NPAS3: variants seen among roughly 807,000 people sequenced by gnomAD.
NPAS3 encodes the protein neuronal PAS domain-containing protein 3.
A neutral mutation model predicts 73.1 loss-of-function variants in NPAS3; 14 were observed. The ratio of observed to expected loss-of-function variants is 0.19; its 90% confidence interval spans 0.13 to 0.30. NPAS3 has a LOEUF of 0.30. NPAS3 is among the 10% of genes least tolerant of loss of function. The pLI is 1.00. For synonymous variants in NPAS3, 620 were observed against 541.5 expected (o/e 1.14, Z -2.01); for missense variants, 1,096 against 1,250.0 (o/e 0.88, Z 1.86).
intron 5 of NPAS3, among the ~76,000 whole-genome samples, chr14:33,643,998 A>G (rs1192199944): frequency 2.0e-5 from 3 of 152,086 alleles, no homozygotes; most frequent in Non-Finnish European, 4.4e-5. Context: ...CTTGATCTTT[A>G]TGATGTATTT....
At chr14:33,588,905 G>C (rs1384319010) in intron 5 of NPAS3, among the ~76,000 whole-genome samples, 1 of 152,158 alleles carries the variant, frequency 6.6e-6, no homozygotes. Flanking sequence ...ACAGGTGTGA[G>C]CCACTGCACC....
At chr14:33,432,417 A>G (rs1391993221) in intron 4 of NPAS3, among the ~76,000 whole-genome samples, 1 of 152,188 alleles carries the variant, frequency 6.6e-6, no homozygotes, top group African/African-American at 2.4e-5. Flanking sequence ...TCATAGGACA[A>G]GTATTATGAA....
At chr14:33,267,400 TATGAG>T (rs1295736775) in intron 3 of NPAS3, among the ~76,000 whole-genome samples, 1 of 152,154 alleles carries the variant, frequency 6.6e-6, no homozygotes, top group African/African-American at 2.4e-5. Context: ...GATCTTGACT[TATGAG>T]AGGACTGTAG....
At chr14:33,380,977 T>C (rs2046524712) in intron 4 of NPAS3, among the ~76,000 whole-genome samples, 1 of 152,174 alleles carries the variant, frequency 6.6e-6, no homozygotes, top group South Asian at 2.1e-4. Flanking sequence ...AAGGGTAGAA[T>C]TGACCTAAAG....
At chr14:33,321,677 C>T (rs1351627082) in intron 3 of NPAS3, among the ~76,000 whole-genome samples, 6 of 151,904 alleles carry the variant, frequency 3.9e-5, no homozygotes, top group Non-Finnish European at 8.8e-5. Context: ...TAAAGATCAT[C>T]CCAGCGTTTT....
At chr14:33,658,153 T>C (rs2059202584) in intron 5 of NPAS3, among the ~76,000 whole-genome samples, 1 of 152,206 alleles carries the variant, frequency 6.6e-6, no homozygotes, top group African/African-American at 2.4e-5. Context: ...TAGAAGACTT[T>C]ATAGATGTTT....
chr14:33,109,647 G>A lies in NPAS3; in HGVS notation c.140+53653G>A, dbSNP rs141691603. ...ATGTTTGAGCAATTTGGGGCTTCTT[G>A]TGGTGAGAGTATAATGATAAAGTTG... On this transcript the variant is annotated intron_variant, in intron 2 of 11. Transcript: ENST00000356141. Among the ~76,000 whole-genome samples, 41 of 152,112 alleles carry A rather than the reference G, an allele frequency of 2.7e-4. 1 individual carries two copies. In the East Asian group the frequency reaches 6.6e-3, roughly 24 times the overall value.
chr14:33,715,898 C>A (rs2060944999), intron 6 of NPAS3, among the ~76,000 whole-genome samples: 1 of 152,182 alleles, frequency 6.6e-6, no homozygotes, highest in Admixed American at 6.5e-5. Context: ...AGCAGTTCCA[C>A]TGTGCATGTT....
At chr14:33,672,643 T>C (rs1224699206) in intron 5 of NPAS3, among the ~76,000 whole-genome samples, 1 of 151,798 alleles carries the variant, frequency 6.6e-6, no homozygotes, top group Non-Finnish European at 1.5e-5. Flanking sequence ...AGGCACAGAA[T>C]TTAGTAGCAG....
intron 3 of NPAS3, among the ~76,000 whole-genome samples, chr14:33,294,886 T>G (rs1051050838): frequency 2.0e-5 from 3 of 152,160 alleles, no homozygotes; most frequent in South Asian, 4.2e-4. Flanking sequence ...TGAGGTGTGC[T>G]TTTGCTGAAG....
intron 1 of NPAS3, among the ~76,000 whole-genome samples, chr14:33,019,189 C>T (rs1595241873): frequency 6.6e-6 from 1 of 152,338 alleles, no homozygotes; most frequent in East Asian, 1.9e-4. Flanking sequence ...GTCAGGCCAG[C>T]CCAAGCTGTT....
chr14:33,783,508 G>A lies in NPAS3; in HGVS notation c.1153+4936G>A, dbSNP rs1025182916. Among the ~76,000 whole-genome samples, 15 of 146,444 alleles carry A rather than the reference G, an allele frequency of 1.0e-4. No homozygotes were observed. The Admixed American group carries it at 1.1e-3, about 10-fold the overall frequency. ...TTCATCGTGTGCCTGGCCATTAACC[G>A]AAAAAACCGTCACAAGGAGGCAAGA... is the stretch of plus-strand genomic sequence containing the variant. On this transcript the variant is annotated intron_variant, in intron 9 of 11. Coordinates refer to ENST00000356141, the Ensembl canonical transcript of NPAS3.
chr14:33,147,730 A>ATATATATATATATATATAT (rs1555344654), intron 2 of NPAS3, among the ~76,000 whole-genome samples: 22 of 130,326 alleles, frequency 1.7e-4, no homozygotes, highest in African/African-American at 7.1e-4. Flanking sequence ...TAGAATAAAA[A>ATATATATATATATATATAT]ATATATATAT....
intron 3 of NPAS3, among the ~76,000 whole-genome samples, chr14:33,220,257 C>T (rs530054907): frequency 3.9e-5 from 6 of 152,290 alleles, no homozygotes; most frequent in East Asian, 3.9e-4. Flanking sequence ...CTGCTCTGAT[C>T]TCTACTTCTG....
chr14:33,544,825 A>AATATATATATATAAT (rs1555409997), intron 4 of NPAS3, among the ~76,000 whole-genome samples: 12 of 112,190 alleles, frequency 1.1e-4, no homozygotes, highest in African/African-American at 4.9e-4. Context: ...TATATAATAT[A>AATATATATATATAAT]TATGTGTATA....
chr14:33,322,783 T>C (rs79199244), intron 3 of NPAS3, among the ~76,000 whole-genome samples: 2,346 of 152,232 alleles, frequency 0.015, 36 homozygotes, highest in Non-Finnish European at 0.024. Context: ...TTGGTAATCG[T>C]GAAATTTCAG....
intron 3 of NPAS3, among the ~76,000 whole-genome samples, chr14:33,248,660 T>G (rs2048473312): frequency 6.6e-6 from 1 of 152,144 alleles, no homozygotes; most frequent in East Asian, 1.9e-4. Context: ...CAGTAAAGGT[T>G]TCATGTATTA....
At chr14:33,666,436 G>C (rs1184743789) in intron 5 of NPAS3, among the ~76,000 whole-genome samples, 2 of 152,150 alleles carry the variant, frequency 1.3e-5, no homozygotes, top group African/African-American at 4.8e-5. Flanking sequence ...GCTACTCAAA[G>C]TGTGAATCGT....
chr14:33,199,824 T>C (rs201599552), intron 2 of NPAS3, among the ~76,000 whole-genome samples: 1 of 151,924 alleles, frequency 6.6e-6, no homozygotes, highest in African/African-American at 2.4e-5. Context: ...CTACTGGCTG[T>C]GTTGTTTACT....
Sources: allele counts gnomAD v4.1 joint callset (sites outside exome capture counted in the v4.1 genomes callset), GRCh38; gene constraint gnomAD v4.1.1; transcripts MANE v1.5; gene names NCBI Gene and HGNC (gene_info 2026-07-23, HGNC 2026-07-21).